DDX60: variants seen among roughly 807,000 people sequenced by gnomAD.
The protein encoded by DDX60 is DExD/H-box helicase 60.
Under a neutral mutation model 212.8 loss-of-function variants are expected in DDX60, and 165 were observed. That is an observed-to-expected ratio of 0.78 (90% CI 0.68 to 0.88). The LOEUF is 0.88. Among genes scored for constraint, DDX60 ranks in the 40% least tolerant of loss-of-function variants. DDX60 has a pLI of 0.00. For synonymous variants in DDX60, 703 were observed against 685.3 expected, an observed-to-expected ratio of 1.03 and a Z score of -0.40; for missense variants, 1,905 against 2,003.9, an observed-to-expected ratio of 0.95 and a Z score of 0.94.
intron 5 of DDX60, 83 bp downstream of exon 5, chr4:168,306,296 A>C: frequency 1.1e-6 from 1 of 891,536 alleles, no homozygotes; most frequent in African/African-American, 1.7e-5. Flanking sequence ...AATTTCCTAG[A>C]GGAGGAGGAG....
Position 168,246,471 on chromosome 4 carries a change from G to A in DDX60, c.4111C>T (p.Arg1371Ter), listed in dbSNP as rs777584232. ...HFPLSITLVL[R>*]LMLLASKGDD... is the part of the protein sequence containing the mutation. ...CCCTTGGAAGCCAGCAGCATGAGTC[G>A]CAGGACCAGGGTTATGCTGAGAGGG... Residue 1371 changes from arginine (R) to a stop codon, truncating the protein, a stop_gained, in exon 30 of 38, where the codon CGA (arginine) becomes TGA (stop). Coordinates refer to ENST00000393743, the MANE Select transcript of DDX60 (RefSeq NM_017631.6). LOFTEE classifies it high-confidence loss of function. The A allele has an allele frequency of 8.7e-6, 14 of 1,614,028 alleles. No individual in the cohort carries two copies. Among genetic ancestry groups the A allele is most frequent in the South Asian group, 5.5e-5 (5 of 91,080 alleles).
intron 27 of DDX60, among the ~76,000 whole-genome samples, 175 bp downstream of exon 27, chr4:168,252,334 T>C (rs1734249944): frequency 6.6e-6 from 1 of 152,238 alleles, no homozygotes; most frequent in Non-Finnish European, 1.5e-5. Context: ...TTTTTAGATA[T>C]GCACTGCAGA....
rs1187547863 is a variant in DDX60, at chr4:168,255,724, T to G, written c.3544A>C (p.Lys1182Gln). The G allele has an allele frequency of 3.8e-6, 6 of 1,588,846 alleles. No individual in the cohort carries two copies. The highest frequency in any genetic ancestry group is 5.1e-6 in the Non-Finnish European group (6 of 1,173,596). ...KLRKVKKSIE[K>Q]QKIIDEKSQK... Reference sequence around the variant, plus strand: ...TTAACTACTTACATGATCTTTTGTTTCTCTATGGATTTTTTAACTTTTCGA... The same window carrying G: ...TTAACTACTTACATGATCTTTTGTTGCTCTATGGATTTTTTAACTTTTCGA... Residue 1182 changes from lysine (K) to glutamine (Q), a missense_variant, in exon 26 of 38, where the codon AAA becomes CAA. Physicochemically the swap from Lys to Gln is moderately conservative, Grantham distance 53. Transcript: ENST00000393743.
Position 168,255,772 on chromosome 4 carries a change from C to T in DDX60, c.3496G>A (p.Ala1166Thr), listed in dbSNP as rs911011882. Residue 1166 changes from alanine to threonine, a missense_variant, in exon 26 of 38, where the codon GCC becomes ACC. By Grantham distance (58) the Ala-to-Thr change is moderately conservative. Transcript: ENST00000393743. ...TKRPPKADKE[A>T]HVMANKLRKV... ...CGAAGTTTGTTAGCCATGACATGGG[C>T]TTCTTTATCAGCTTTGGGAGGCCTT... 5 of 1,605,368 alleles carry T rather than the reference C, an allele frequency of 3.1e-6. No homozygotes were observed. In the East Asian group the frequency reaches 6.7e-5, roughly 22 times the overall value.
intron 1 of DDX60, among the ~76,000 whole-genome samples, chr4:168,317,689 T>C (rs967107775): frequency 2.0e-5 from 3 of 152,152 alleles, no homozygotes; most frequent in Non-Finnish European, 4.4e-5. Flanking sequence ...TTCGGTTATA[T>C]TATGTAAGAC....
At chr4:168,297,344 AAG>A (rs1491306412) in intron 6 of DDX60, among the ~76,000 whole-genome samples, 1 of 101,470 alleles carries the variant, frequency 9.9e-6, no homozygotes, top group African/African-American at 5.5e-5. Context: ...GAAAGAAAGA[AAG>A]AAAGAAAGAA....
At chr4:168,287,479 T>C (rs1735910948) in intron 9 of DDX60, among the ~76,000 whole-genome samples, 2 of 152,208 alleles carry the variant, frequency 1.3e-5, no homozygotes, top group African/African-American at 4.8e-5. Flanking sequence ...AACTACTCTT[T>C]AAGGTAATAA....
intron 8 of DDX60, 140 bp from the exon 9 acceptor site, chr4:168,288,455 A>G (rs1735956145): frequency 1.9e-6 from 1 of 539,076 alleles, no homozygotes; most frequent in South Asian, 2.5e-5. Context: ...AGGCTGGGTA[A>G]TGGTGAATGC....
intron 33 of DDX60, among the ~76,000 whole-genome samples, chr4:168,227,275 C>A (rs775068798): frequency 4.3e-4 from 64 of 149,882 alleles, no homozygotes; most frequent in Non-Finnish European, 8.3e-4. Context: ...TTAATTATAT[C>A]TTCCTTGCTC....
intron 6 of DDX60, among the ~76,000 whole-genome samples, chr4:168,300,341 A>C (rs1579073060): frequency 6.6e-6 from 1 of 152,114 alleles, no homozygotes. Context: ...GTAGTTCAAG[A>C]CCAGCCTGGC....
intron 28 of DDX60, among the ~76,000 whole-genome samples, chr4:168,249,582 C>A (rs938314903): frequency 6.6e-6 from 1 of 152,256 alleles, no homozygotes; most frequent in South Asian, 2.1e-4. Flanking sequence ...TCACTATTTT[C>A]ATAGTACCTT....
At chr4:168,324,625 A>G in the DDX60 span, among the ~76,000 whole-genome samples, 1 of 152,220 alleles carries the variant, frequency 6.6e-6, no homozygotes, top group Non-Finnish European at 1.5e-5. Context: ...AGGGACAGTT[A>G]TGTTCCTCTG....
intron 28 of DDX60, 116 bp downstream of exon 28, chr4:168,250,837 TA>T: frequency 1.1e-6 from 1 of 899,254 alleles, no homozygotes; most frequent in Non-Finnish European, 1.7e-6. Flanking sequence ...CTTATTTTTT[TA>T]AAAGACAATT....
chr4:168,241,119 G>GT (rs1175673842), intron 30 of DDX60, among the ~76,000 whole-genome samples: 1 of 152,206 alleles, frequency 6.6e-6, no homozygotes, highest in Non-Finnish European at 1.5e-5. Context: ...GCCATCCATT[G>GT]TAAGACATGA....
Position 168,284,901 on chromosome 4 carries a change from T to A in DDX60, c.1480A>T (p.Lys494Ter). 1 of 1,597,460 alleles carries A rather than the reference T, an allele frequency of 6.3e-7. No individual in the cohort carries two copies. Among genetic ancestry groups the A allele is most frequent in the Non-Finnish European group, 8.5e-7 (1 of 1,169,760 alleles). Residue 494 changes from lysine to a stop codon, truncating the protein, a stop_gained, in exon 12 of 38, where the codon AAG becomes TAG. Coordinates refer to ENST00000393743, the MANE Select transcript of DDX60 (RefSeq NM_017631.6). LOFTEE classifies it high-confidence loss of function. Reference protein sequence around the residue: ...DPIVTSLVKQKEFDELVHWHS... With the variant: ...DPIVTSLVKQ ...CAGTGCACAAGTTCATCAAATTCCT[T>A]TTGTTTAACCAGTGAAGTAACAATA...
At chr4:168,304,277 C>G (rs981405902) in intron 5 of DDX60, among the ~76,000 whole-genome samples, 2 of 152,112 alleles carry the variant, frequency 1.3e-5, no homozygotes, top group African/African-American at 4.8e-5. Flanking sequence ...AGGTGGAAGA[C>G]AGTTGATGTT....
intron 1 of DDX60, among the ~76,000 whole-genome samples, chr4:168,314,248 C>T (rs1737265938): frequency 6.6e-6 from 1 of 151,990 alleles, no homozygotes; most frequent in South Asian, 2.1e-4. Context: ...CAGTCATTAT[C>T]CCCACTTCTC....
At chr4:168,322,183 T>C (rs75488448), upstream of DDX60, among the ~76,000 whole-genome samples, 1,154 of 152,340 alleles carry the variant, frequency 7.6e-3, 46 homozygotes, top group East Asian at 0.12. Flanking sequence ...GAAAGATAGT[T>C]TGTACAGCCC....
chr4:168,243,554 T>C (rs1733921802), intron 30 of DDX60, among the ~76,000 whole-genome samples: 2 of 152,330 alleles, frequency 1.3e-5, no homozygotes, highest in African/African-American at 4.8e-5. Context: ...CACAATGAGA[T>C]ACCATCTCGC....
Sources: gnomAD v4.1 joint callset for allele counts (sites outside exome capture counted in the v4.1 genomes callset) on GRCh38, gnomAD v4.1.1 for gene constraint, MANE v1.5 for transcripts, NCBI Gene and HGNC (gene_info 2026-07-23, HGNC 2026-07-21) for gene names.